RXRA: variants seen among roughly 807,000 people sequenced by gnomAD.
RXRA encodes the protein retinoid X receptor alpha, also known as retinoic acid receptor RXR-alpha.
In RXRA, 5 loss-of-function variants were observed where a neutral mutation model predicts 44.5. The observed-to-expected ratio is 0.11, with a 90% CI of 0.06 to 0.24. The LOEUF is 0.24. Among genes scored for constraint, RXRA ranks in the 10% least tolerant of loss-of-function variants. The probability of loss-of-function intolerance (pLI) is 1.00; values close to 1 mark genes in which losing one functional copy is unlikely to be tolerated. For missense variants in RXRA, 412 were observed against 646.5 expected (o/e 0.64, Z 3.93); for synonymous variants, 291 against 271.4 (o/e 1.07, Z -0.71).
chr9:134,402,909 C>T (rs966540443), intron 2 of RXRA: 3 of 152,110 alleles, frequency 2.0e-5, no homozygotes, highest in African/African-American at 7.2e-5. Flanking sequence ...CAGGACAGCC[C>T]ACCCGGGTGG....
intron 1 of RXRA, among the ~76,000 whole-genome samples, chr9:134,344,123 G>A (rs951450080): frequency 1.4e-4 from 21 of 152,182 alleles, no homozygotes; most frequent in African/African-American, 4.6e-4. Context: ...TGAGTCCAGC[G>A]TTCCCTGCGC....
At chr9:134,403,506 G>C (rs1376245779) in intron 2 of RXRA, 3 of 152,362 alleles carry the variant, frequency 2.0e-5, no homozygotes, top group Non-Finnish European at 4.4e-5. Context: ...GCTGGCACCT[G>C]CTGGGTCCCA....
At chr9:134,375,081 C>T (rs1209938528) in intron 1 of RXRA, among the ~76,000 whole-genome samples, 2 of 152,118 alleles carry the variant, frequency 1.3e-5, no homozygotes, top group Non-Finnish European at 1.5e-5. Flanking sequence ...AGACCCCTAC[C>T]CCAACTGAGA....
intron 1 of RXRA, among the ~76,000 whole-genome samples, chr9:134,354,289 G>A (rs1415174406): frequency 2.0e-5 from 3 of 152,194 alleles, no homozygotes; most frequent in African/African-American, 7.2e-5. Context: ...CCTTCTACCG[G>A]GAGCTTAGTA....
chr9:134,382,771 C>T (rs577600420), intron 1 of RXRA, among the ~76,000 whole-genome samples: 2 of 152,184 alleles, frequency 1.3e-5, no homozygotes, highest in Non-Finnish European at 2.9e-5. Context: ...CGTCTCTGAG[C>T]TGGGAAGACA....
At chr9:134,411,482 G>C (rs1248601473) in intron 4 of RXRA, among the ~76,000 whole-genome samples, 1 of 152,202 alleles carries the variant, frequency 6.6e-6, no homozygotes, top group Admixed American at 6.5e-5. Flanking sequence ...ACAGAGAAAT[G>C]GGGTATAGAG....
intron 4 of RXRA, among the ~76,000 whole-genome samples, chr9:134,410,709 G>GT (rs920660260): frequency 1.2e-3 from 189 of 152,306 alleles, no homozygotes; most frequent in African/African-American, 4.3e-3. Context: ...CTGGAGCTGG[G>GT]GGGGGAAGGC....
At chr9:134,404,233 C>T (rs1831011431) in intron 2 of RXRA, 1 of 152,332 alleles carries the variant, frequency 6.6e-6, no homozygotes, top group African/African-American at 2.4e-5. Context: ...CTTCTGCCTT[C>T]TCAAGTCCAT....
intron 1 of RXRA, among the ~76,000 whole-genome samples, chr9:134,382,125 T>TG (rs77219272): frequency 0.78 from 119,070 of 151,774 alleles, 47,724 homozygotes; most frequent in Non-Finnish European, 0.87. Context: ...TGCCAGGATG[T>TG]GGGGGGGCGC....
At position 134,417,013 on chromosome 9, in the gene RXRA, G is replaced by T; in HGVS notation, c.611-145G>T. 2.5e-6 allele frequency: 2 copies of T among 790,018 alleles called. No individual in the cohort carries two copies. Among genetic ancestry groups the T allele is most frequent in the South Asian group, 3.5e-5 (2 of 56,770 alleles). The allele number at this position is 790,018 out of a possible 1,614,324, so 48.9% of individuals were successfully genotyped here. ...CGGAGGCCAGGCCTGGGGCAGAGATGGGGTCTCCATCACCCAGTGCTGGTG... is the reference window on the plus strand; with the variant it reads ...CGGAGGCCAGGCCTGGGGCAGAGATTGGGTCTCCATCACCCAGTGCTGGTG... On this transcript the variant is annotated intron_variant, in intron 4 of 9. Transcript: ENST00000481739. The surrounding 1 kb of genome is among the most constrained non-coding windows in gnomAD (Gnocchi z 6.1).
intron 1 of RXRA, among the ~76,000 whole-genome samples, chr9:134,392,823 C>T (rs879660376): frequency 6.6e-5 from 10 of 152,074 alleles, no homozygotes; most frequent in Admixed American, 1.3e-4. Flanking sequence ...GGATGGGCGT[C>T]CCTTGAGGTT....
intron 6 of RXRA, chr9:134,425,944 A>G: frequency 4.1e-6 from 4 of 985,418 alleles, no homozygotes; most frequent in Non-Finnish European, 4.8e-6. Context: ...TGGCTGAGCC[A>G]GGTTGGAGCC....
At chr9:134,356,382 C>T (rs1830283491) in intron 1 of RXRA, among the ~76,000 whole-genome samples, 1 of 151,926 alleles carries the variant, frequency 6.6e-6, no homozygotes, top group African/African-American at 2.4e-5. Flanking sequence ...TTGTTTAGCT[C>T]CCACCGGGAA....
In RXRA at chr9:134,392,795, G is replaced by A. The variant is rs118021639; in HGVS notation, c.29-8837G>A. 6.2e-3 allele frequency among the ~76,000 whole-genome samples: 941 copies of A among 152,226 alleles called. 26 individuals are homozygous for A. Among genetic ancestry groups the A allele is most frequent in the East Asian group, 0.044 (227 of 5,176 alleles). On this transcript the variant is annotated intron_variant, in intron 1 of 9. Transcript: ENST00000481739. ...CTGGGTTCAGGACTTCATTTTGGCC[G>A]TGCGGGTTGCACCTTGGGGATGGGC...
Position 134,426,142 on chromosome 9 carries a change from C to CCCAG in RXRA, c.911-2965_911-2962dup. 1.0e-6 allele frequency: 1 copy of CCCAG among 985,374 alleles called. No individual in the cohort carries two copies. The highest frequency in any genetic ancestry group is 1.2e-6 in the Non-Finnish European group (1 of 829,928). The allele number at this position is 985,374 out of a possible 1,614,324, so 61.0% of individuals were successfully genotyped here. Reference sequence around the variant, plus strand: ...AGGACATAGTGACCAAGGGAGCAGCCCCAGGCAAGACTCTTTGTCCTGCGC... The same window carrying CCCAG: ...AGGACATAGTGACCAAGGGAGCAGCCCCAGCCAGGCAAGACTCTTTGTCCTGCGC... On this transcript the variant is annotated intron_variant, in intron 6 of 9. Transcript: ENST00000481739. This position sits in a 1 kb window ranked among gnomAD's most constrained non-coding sequence, Gnocchi z 4.6.
At position 134,391,106 on chromosome 9, in the gene RXRA, G is replaced by T. The variant is rs377064291; in HGVS notation, c.29-10526G>T. 2.0e-5 allele frequency among the ~76,000 whole-genome samples: 3 copies of T among 152,208 alleles called. No individual in the cohort carries two copies. In the East Asian group the frequency reaches 5.8e-4, roughly 29 times the overall value. ...TGCAAATGGTGCTGCTCAGCGGGCC[G>T]TGGGAAGACTGGGGATGTCCCCCAG... On this transcript the variant is annotated intron_variant, in intron 1 of 9. Coordinates refer to ENST00000481739, the MANE Select transcript of RXRA (RefSeq NM_002957.6).
At chr9:134,389,297 C>T (rs1043359882) in intron 1 of RXRA, among the ~76,000 whole-genome samples, 3 of 152,160 alleles carry the variant, frequency 2.0e-5, no homozygotes, top group South Asian at 2.1e-4. Context: ...TGGTCACCCC[C>T]GGGGGGTTGC....
chr9:134,436,563 C>A lies in RXRA; in HGVS notation c.1338C>A (p.Pro446=). Residue 446 remains proline (P), a synonymous_variant, in exon 10 of 10, where the codon CCC becomes CCA. Transcript: ENST00000481739. ...LFFFKLIGDT[P]IDTFLMEMLE... ...TCTTCAAGCTCATCGGGGACACACC[C>A]ATTGACACCTTCCTTATGGAGATGC... The A allele has an allele frequency of 6.2e-7, 1 of 1,614,172 alleles. No homozygotes were observed. Among genetic ancestry groups the A allele is most frequent in the South Asian group, 1.1e-5 (1 of 91,092 alleles).
At chr9:134,339,067 C>T (rs1426934414) in intron 1 of RXRA, among the ~76,000 whole-genome samples, 2 of 152,222 alleles carry the variant, frequency 1.3e-5, no homozygotes, top group East Asian at 1.9e-4. Flanking sequence ...CCTAGGTCGC[C>T]GGCCGTGTGC....
Sources: allele counts gnomAD v4.1 joint callset (sites outside exome capture counted in the v4.1 genomes callset), GRCh38; gene constraint gnomAD v4.1.1; non-coding constraint Gnocchi (gnomAD v3.1); transcripts MANE v1.5; gene names NCBI Gene and HGNC (gene_info 2026-07-23, HGNC 2026-07-21).